Variants in ABCB9 observed in about 807,000 individuals in gnomAD.
ABCB9 encodes ABC-type oligopeptide transporter ABCB9.
A neutral mutation model predicts 62.0 loss-of-function variants in ABCB9; 36 were observed. The ratio of observed to expected loss-of-function variants is 0.58; its 90% confidence interval spans 0.45 to 0.77. The LOEUF is 0.77. Among genes scored for constraint, ABCB9 ranks in the 30% least tolerant of loss-of-function variants. ABCB9 has a pLI of 0.00. For synonymous variants in ABCB9, 435 were observed against 461.4 expected (o/e 0.94, Z 0.73); for missense variants, 943 against 1,054.7 (o/e 0.89, Z 1.47).
intron 2 of ABCB9, 35 bp from the exon 3 acceptor site, chr12:122,950,600 A>G: frequency 6.4e-7 from 1 of 1,559,766 alleles, no homozygotes. Flanking sequence ...GGACGTCTGC[A>G]GCCAGGGGAA....
Position 122,940,835 on chromosome 12 carries a change from C to A in ABCB9, c.1541G>T (p.Arg514Leu). The A allele has an allele frequency of 6.2e-7, 1 of 1,602,852 alleles. No homozygotes were observed. Among genetic ancestry groups the A allele is most frequent in the Non-Finnish European group, 8.5e-7 (1 of 1,172,190 alleles). Reference sequence around the variant, plus strand: ...CAGGACCTGGGTGTGGGGCCGAGTGCGGTAGGTGAAGGTCACATTCTCAAA... The same window carrying A: ...CAGGACCTGGGTGTGGGGCCGAGTGAGGTAGGTGAAGGTCACATTCTCAAA... ...VDFENVTFTY[R>L]TRPHTQVLQN... The change falls in exon 8 of 12, where the codon CGC becomes CTC. Residue 514 changes from arginine (R) to leucine (L), a missense_variant. Coordinates refer to ENST00000280560, the MANE Select transcript of ABCB9 (RefSeq NM_019625.4). This position sits in a 1 kb window ranked among gnomAD's most constrained non-coding sequence, Gnocchi z 4.8.
chr12:122,938,103 C>T (rs540131706), intron 9 of ABCB9, among the ~76,000 whole-genome samples: 1 of 152,292 alleles, frequency 6.6e-6, no homozygotes, highest in East Asian at 1.9e-4. Flanking sequence ...GGATGTACAT[C>T]CACTATCACC....
rs968094249 is a variant in ABCB9, at chr12:122,930,480, T to C, written c.2041-309A>G. Among the ~76,000 whole-genome samples the C allele has an allele frequency of 1.4e-5, 2 of 147,820 alleles. No individual in the cohort carries two copies. The highest frequency in any genetic ancestry group is 2.1e-4 in the East Asian group (1 of 4,792). The stretch of plus-strand genomic sequence containing the variant: ...TGGAGTGCGGTGGTGCGATCTCAGC[T>C]CACTGCAACCTCTGCCTCGTGGGTT... On this transcript the variant is annotated intron_variant, in intron 11 of 11. Coordinates refer to ENST00000280560, the MANE Select transcript of ABCB9 (RefSeq NM_019625.4). The surrounding 1 kb of genome is among the most constrained non-coding windows in gnomAD (Gnocchi z 4.9).
Position 122,930,632 on chromosome 12 carries a change from AC to A in ABCB9, c.2041-462del, listed in dbSNP as rs1339228278. Among the ~76,000 whole-genome samples the A allele has an allele frequency of 4.0e-5, 6 of 151,878 alleles. No individual in the cohort carries two copies. In the East Asian group the frequency reaches 1.2e-3, roughly 29 times the overall value. On this transcript the variant is annotated intron_variant, in intron 11 of 11. Transcript: ENST00000280560. The surrounding 1 kb of genome is among the most constrained non-coding windows in gnomAD (Gnocchi z 4.9). ...ACCATGTTGGCCAGACTGGTCTCGA[AC>A]ACCTGACTTTGTGATCCGCCTGGCC...
At chr12:122,919,534 C>T (rs1347736396), downstream of ABCB9, among the ~76,000 whole-genome samples, 2 of 152,074 alleles carry the variant, frequency 1.3e-5, no homozygotes, top group Non-Finnish European at 2.9e-5. Context: ...CTCTAGATAC[C>T]CAAAGCTGGT....
chr12:122,955,825 C>T lies in ABCB9; in HGVS notation c.601+3810G>A, dbSNP rs2036589307. 2.0e-5 allele frequency among the ~76,000 whole-genome samples: 3 copies of T among 151,984 alleles called. No homozygotes were observed. In the South Asian group the frequency reaches 6.2e-4, roughly 31 times the overall value. On this transcript the variant is annotated intron_variant, in intron 2 of 11. Transcript: ENST00000280560. ...CTCCTGGGTTCAAGATATCCTCCTG[C>T]ATCAGCCTTCTGAGTAGCTGGGATT...
chr12:122,946,021 G>C lies in ABCB9; in HGVS notation c.1251+4C>G. 6.2e-7 allele frequency: 1 copy of C among 1,612,968 alleles called. No individual in the cohort carries two copies. Among genetic ancestry groups the C allele is most frequent in the Non-Finnish European group, 8.5e-7 (1 of 1,179,814 alleles). On this transcript the variant is annotated splice_donor_region_variant and intron_variant, in intron 6 of 11. Coordinates refer to ENST00000280560, the MANE Select transcript of ABCB9 (RefSeq NM_019625.4). ...GCCAGAGCTGCCTGGCCAGGGGCAC[G>C]TACCCCGCTGCCCCAGACGTAGTAC...
At position 122,929,934 on chromosome 12, in the gene ABCB9, C is replaced by T. The variant is rs529640877; in HGVS notation, c.2278G>A (p.Ala760Thr). The change falls in exon 12 of 12, where the codon GCC becomes ACC. Residue 760 changes from alanine (A) to threonine (T), a missense_variant. By Grantham distance (58) the Ala-to-Thr change is moderately conservative (BLOSUM62 0). Coordinates refer to ENST00000280560, the MANE Select transcript of ABCB9 (RefSeq NM_019625.4). This position sits in a 1 kb window ranked among gnomAD's most constrained non-coding sequence, Gnocchi z 6.0. ...CATCAGGCCTTGTGACTGCCGTTGG[C>T]TACAGGCTCGTTGTGGCCAGCTGTG... Reference protein sequence around the residue: ...DFTAGHNEPVANGSHKA With the variant: ...DFTAGHNEPVTNGSHKA The T allele has an allele frequency of 4.5e-6, 7 of 1,565,068 alleles. No homozygotes were observed. The East Asian group carries it at 1.1e-4, about 25-fold the overall frequency.
At chr12:122,972,460 T>C (rs998397913) in intron 1 of ABCB9, among the ~76,000 whole-genome samples, 2 of 152,118 alleles carry the variant, frequency 1.3e-5, no homozygotes, top group Non-Finnish European at 2.9e-5. Flanking sequence ...AATGTTCTGA[T>C]TGGGATCTGG....
At chr12:122,958,966 C>T (rs939235642) in intron 2 of ABCB9, among the ~76,000 whole-genome samples, 3 of 151,422 alleles carry the variant, frequency 2.0e-5, no homozygotes, top group African/African-American at 7.3e-5. Context: ...AACTCCTGGG[C>T]TCAGGCAATC....
At chr12:122,933,290 C>T (rs530817441) in intron 10 of ABCB9, among the ~76,000 whole-genome samples, 65 of 152,282 alleles carry the variant, frequency 4.3e-4, no homozygotes, top group African/African-American at 1.5e-3. Flanking sequence ...GGGCTGAGCA[C>T]GGTGGCTCCC....
downstream of ABCB9, among the ~76,000 whole-genome samples, chr12:122,928,197 C>A (rs185668493): frequency 1.3e-5 from 2 of 152,138 alleles, no homozygotes; most frequent in African/African-American, 4.8e-5. Flanking sequence ...TGGCCAGGCG[C>A]GGTGGCTCAC....
At chr12:122,931,950 T>C in intron 11 of ABCB9, 2 of 650,354 alleles carry the variant, frequency 3.1e-6, no homozygotes, top group South Asian at 1.9e-5. Flanking sequence ...GACCCAGGTC[T>C]CCCCATTCTG....
chr12:122,941,013 G>A lies in ABCB9; in HGVS notation c.1381-18C>T, dbSNP rs749084749. 8 of 1,572,026 alleles carry A rather than the reference G, an allele frequency of 5.1e-6. No individual in the cohort carries two copies. Among genetic ancestry groups the A allele is most frequent in the South Asian group, 1.1e-5 (1 of 87,152 alleles). ...CCCACGGACTGGGGAGAGGAGACAC[G>A]CGTTCCTGTCCCACCGATACCCGAC... On this transcript the variant is annotated intron_variant, in intron 7 of 11. Coordinates refer to ENST00000280560, the MANE Select transcript of ABCB9 (RefSeq NM_019625.4).
chr12:122,923,247 C>T (rs527297408), intron 11 of ABCB9, among the ~76,000 whole-genome samples: 1 of 151,976 alleles, frequency 6.6e-6, no homozygotes, highest in East Asian at 1.9e-4. Flanking sequence ...AAACTACAGG[C>T]GTGCACCACT....
chr12:122,921,194 C>T (rs535910811), intron 11 of ABCB9, among the ~76,000 whole-genome samples: 2 of 151,954 alleles, frequency 1.3e-5, no homozygotes, highest in African/African-American at 2.4e-5. Context: ...GCAGAAGGAT[C>T]GCTTGAAACT....
intron 11 of ABCB9, among the ~76,000 whole-genome samples, chr12:122,922,292 G>A (rs1306502221): frequency 6.6e-6 from 1 of 152,054 alleles, no homozygotes; most frequent in African/African-American, 2.4e-5. Flanking sequence ...CAAACACATG[G>A]TACCCACCGC....
rs1481431628 is a variant in ABCB9 at position 122,930,225 on chromosome 12, C to T, written c.2041-54G>A. The T allele has an allele frequency of 7.4e-6, 11 of 1,481,664 alleles. No homozygotes were observed. The highest frequency in any genetic ancestry group is 1.4e-5 in the African/African-American group (1 of 72,202). 91.8% of individuals were successfully genotyped at this position (1,481,664 alleles called of 1,614,324 possible). ...ATGGCACGGACGCCCCACCCGCAAC[C>T]GTGCTTCATGCCACGGCCTATGGGC... On this transcript the variant is annotated intron_variant, in intron 11 of 11. Coordinates refer to ENST00000280560, the MANE Select transcript of ABCB9 (RefSeq NM_019625.4). This position sits in a 1 kb window ranked among gnomAD's most constrained non-coding sequence, Gnocchi z 4.9.
In ABCB9 at chr12:122,939,203, A is replaced by G. The variant is rs1456969480; in HGVS notation, c.1743+908T>C. On this transcript the variant is annotated intron_variant, in intron 9 of 11. Transcript: ENST00000280560. ...AAAAATAAAGGGAAACAACCCAAAT[A>G]CCCAGAATGCATAAATAATTGTGAT... Among the ~76,000 whole-genome samples, 4 of 152,206 alleles carry G rather than the reference A, an allele frequency of 2.6e-5. No homozygotes were observed. In the East Asian group the frequency reaches 5.8e-4, roughly 22 times the overall value.
Sources: allele counts gnomAD v4.1 joint callset (sites outside exome capture counted in the v4.1 genomes callset), GRCh38; gene constraint gnomAD v4.1.1; non-coding constraint Gnocchi (gnomAD v3.1); transcripts MANE v1.5; gene names NCBI Gene and HGNC (gene_info 2026-07-23, HGNC 2026-07-21).